The following KIAA0319L variants were observed in gnomAD, a reference collection of about 807,000 sequenced individuals.
KIAA0319L encodes the protein dyslexia-associated protein KIAA0319-like protein.
A neutral mutation model predicts 120.1 loss-of-function variants in KIAA0319L; 55 were observed. The ratio of observed to expected loss-of-function variants is 0.46; its 90% CI spans 0.37 to 0.57. The LOEUF (loss-of-function observed/expected upper bound fraction) is 0.57. Ranked by LOEUF, KIAA0319L falls within the 20% of genes least tolerant of loss-of-function variation. The pLI, the probability that KIAA0319L is intolerant of heterozygous loss-of-function variation, is 0.00. For missense variants in KIAA0319L, 1,049 were observed against 1,255.3 expected (o/e 0.84, Z 2.48); for synonymous variants, 398 against 471.9 (o/e 0.84, Z 2.03).
chr1:35,515,184 C>T (rs1326711155), intron 2 of KIAA0319L, among the ~76,000 whole-genome samples: 3 of 151,926 alleles, frequency 2.0e-5, no homozygotes, highest in Non-Finnish European at 4.4e-5. Flanking sequence ...TGCTGGCACA[C>T]ACCTGTAATC....
intron 2 of KIAA0319L, among the ~76,000 whole-genome samples, chr1:35,530,112 T>C (rs1259713204): frequency 6.6e-6 from 1 of 152,032 alleles, no homozygotes; most frequent in Admixed American, 6.6e-5. Context: ...CACAATTCAC[T>C]GCACCCTCAG....
intron 9 of KIAA0319L, among the ~76,000 whole-genome samples, chr1:35,459,250 A>C (rs529028408): frequency 6.6e-6 from 1 of 152,158 alleles, no homozygotes; most frequent in Non-Finnish European, 1.5e-5. Context: ...AGGAAGTATG[A>C]ACAAAATACA....
At chr1:35,524,476 G>C (rs1646043497) in intron 2 of KIAA0319L, among the ~76,000 whole-genome samples, 2 of 152,166 alleles carry the variant, frequency 1.3e-5, no homozygotes. Flanking sequence ...TAAGGCCCAA[G>C]TGAACATGTT....
At chr1:35,537,938 T>TA (rs1475362366) in intron 2 of KIAA0319L, among the ~76,000 whole-genome samples, 6 of 152,128 alleles carry the variant, frequency 3.9e-5, no homozygotes, top group East Asian at 3.9e-4. Context: ...CCCTCTAAGA[T>TA]AAAAAAAGTG....
At chr1:35,507,778 C>A (rs182102228) in intron 2 of KIAA0319L, among the ~76,000 whole-genome samples, 6 of 152,268 alleles carry the variant, frequency 3.9e-5, no homozygotes, top group African/African-American at 9.6e-5. Context: ...AAAATTTTAA[C>A]CACGAGAGCA....
chr1:35,557,586 C>G, upstream of KIAA0319L: 1 of 426,154 alleles, frequency 2.3e-6, no homozygotes, highest in Non-Finnish European at 4.7e-6. Context: ...TCTCGCCGCC[C>G]GCTCTCCAGA....
chr1:35,478,829 AG>A lies in KIAA0319L; in HGVS notation c.913+136del, dbSNP rs1400932131. 54 of 1,019,806 alleles carry A rather than the reference AG, an allele frequency of 5.3e-5. No individual in the cohort carries two copies. The Admixed American group carries it at 1.2e-3, about 23-fold the overall frequency. The allele number at this position is 1,019,806 out of a possible 1,614,324, so 63.2% of individuals were successfully genotyped here. ...TCTAGAGCCCCCAGTCCATGACTGC[AG>A]GGGCAATGACAGAGTTATTTTTTCT... On this transcript the variant is annotated intron_variant, in intron 4 of 20. Transcript: ENST00000325722.
intron 2 of KIAA0319L, among the ~76,000 whole-genome samples, chr1:35,536,869 G>C (rs1276997715): frequency 6.7e-6 from 1 of 149,194 alleles, no homozygotes; most frequent in Non-Finnish European, 1.5e-5. Context: ...ATTAAGCTAT[G>C]CACTTAAAAA....
intron 2 of KIAA0319L, among the ~76,000 whole-genome samples, chr1:35,539,131 A>T (rs1646696615): frequency 6.6e-6 from 1 of 152,206 alleles, no homozygotes; most frequent in Non-Finnish European, 1.5e-5. Context: ...CATATCGTAC[A>T]CATACGGCCT....
intron 2 of KIAA0319L, among the ~76,000 whole-genome samples, chr1:35,515,733 C>CA (rs889849785): frequency 6.6e-6 from 1 of 151,156 alleles, no homozygotes; most frequent in African/African-American, 2.4e-5. Context: ...AATCAAGACA[C>CA]AAAAAAAATT....
At position 35,442,184 on chromosome 1, in the gene KIAA0319L, T is replaced by G. The variant is rs1312216553; in HGVS notation, c.2870+62A>C. 22 of 1,289,334 alleles carry G rather than the reference T, an allele frequency of 1.7e-5. 1 individual carries two copies. The highest frequency in any genetic ancestry group is 2.3e-5 in the Non-Finnish European group (20 of 884,978). 79.9% of individuals were successfully genotyped at this position (1,289,334 alleles called of 1,614,324 possible). On this transcript the variant is annotated intron_variant, in intron 19 of 20. Transcript: ENST00000325722. ...TTCCACGTGGAAGGTGCCAAATACCTCTCTGAGGAACGAATGTATGACAAG... is the reference window on the plus strand; with the variant it reads ...TTCCACGTGGAAGGTGCCAAATACCGCTCTGAGGAACGAATGTATGACAAG...
chr1:35,520,213 C>T (rs1645856077), intron 2 of KIAA0319L, among the ~76,000 whole-genome samples: 1 of 152,084 alleles, frequency 6.6e-6, no homozygotes, highest in African/African-American at 2.4e-5. Flanking sequence ...AGCAATTCTG[C>T]CTCAGCCTCC....
chr1:35,529,234 T>C (rs1428932721), intron 2 of KIAA0319L, among the ~76,000 whole-genome samples: 2 of 152,216 alleles, frequency 1.3e-5, no homozygotes, highest in African/African-American at 2.4e-5. Context: ...GAAAATTTAA[T>C]CTGTTTACAT....
chr1:35,462,556 A>G, intron 8 of KIAA0319L, 65 bp downstream of exon 8: 1 of 1,333,950 alleles, frequency 7.5e-7, no homozygotes, highest in Non-Finnish European at 1.1e-6. Flanking sequence ...ATCTTCTACT[A>G]GAGTTTTCTA....
At chr1:35,503,902 T>C (rs1055971825) in intron 3 of KIAA0319L, among the ~76,000 whole-genome samples, 3 of 151,704 alleles carry the variant, frequency 2.0e-5, no homozygotes, top group Non-Finnish European at 4.4e-5. Context: ...TTTTTTTTTT[T>C]TGAGACAGAG....
intron 2 of KIAA0319L, among the ~76,000 whole-genome samples, chr1:35,551,405 C>T (rs1178673705): frequency 6.6e-6 from 1 of 152,148 alleles, no homozygotes; most frequent in Non-Finnish European, 1.5e-5. Context: ...GCAACCCCCG[C>T]CTCCCGGGTT....
At chr1:35,456,938 AGG>A (rs1642510810) in intron 9 of KIAA0319L, among the ~76,000 whole-genome samples, 1 of 150,696 alleles carries the variant, frequency 6.6e-6, no homozygotes, top group Non-Finnish European at 1.5e-5. Context: ...GAAGGAAGGA[AGG>A]AAGGAAGGAA....
chr1:35,532,374 G>A (rs778445795), intron 2 of KIAA0319L, among the ~76,000 whole-genome samples: 6 of 151,940 alleles, frequency 3.9e-5, no homozygotes, highest in Admixed American at 6.6e-5. Flanking sequence ...ATAAAAATAC[G>A]AAAAGAAAAA....
chr1:35,533,367 G>C (rs1570980664), intron 2 of KIAA0319L: 6 of 152,068 alleles, frequency 3.9e-5, no homozygotes, highest in Admixed American at 3.9e-4. Context: ...AGAGTAGAGA[G>C]AATGAGCTAC....
Sources: allele counts gnomAD v4.1 joint callset (sites outside exome capture counted in the v4.1 genomes callset), GRCh38; gene constraint gnomAD v4.1.1; transcripts MANE v1.5; gene names NCBI Gene and HGNC (gene_info 2026-07-23, HGNC 2026-07-21).